CABCOCO1: variants seen among roughly 807,000 people sequenced by gnomAD.
CABCOCO1 encodes ciliary associated calcium binding coiled-coil 1, also known as ciliary-associated calcium-binding coiled-coil protein 1.
In CABCOCO1, 28 loss-of-function variants were observed where a neutral mutation model predicts 35.7. The observed-to-expected ratio is 0.78, with a 90% confidence interval of 0.58 to 1.07. The LOEUF is 1.07. Among genes scored for constraint, CABCOCO1 ranks in the 50% least tolerant of loss-of-function variants. The probability of loss-of-function intolerance (pLI) is 0.00; values close to 1 mark genes in which losing one functional copy is unlikely to be tolerated. For missense variants in CABCOCO1, 326 were observed against 309.2 expected (o/e 1.05, Z -0.41); for synonymous variants, 95 against 100.1 (o/e 0.95, Z 0.30).
intron 7 of CABCOCO1, among the ~76,000 whole-genome samples, chr10:61,763,078 C>CATA (rs1842039201): frequency 1.3e-5 from 2 of 152,014 alleles, no homozygotes; most frequent in Admixed American, 1.3e-4. Flanking sequence ...ACACACCGAC[C>CATA]TGCTGTAGGA....
intron 4 of CABCOCO1, among the ~76,000 whole-genome samples, chr10:61,689,837 C>T (rs944054096): frequency 2.6e-5 from 4 of 152,102 alleles, no homozygotes; most frequent in Non-Finnish European, 4.4e-5. Flanking sequence ...AAATTTTTAA[C>T]TCTTAATAAT....
chr10:61,703,649 G>A (rs936682908), intron 5 of CABCOCO1, among the ~76,000 whole-genome samples: 1 of 151,758 alleles, frequency 6.6e-6, no homozygotes, highest in Non-Finnish European at 1.5e-5. Context: ...GTGCTTTTTG[G>A]TATCAGTTTA....
intron 5 of CABCOCO1, among the ~76,000 whole-genome samples, chr10:61,734,588 AAC>A (rs1841374651): frequency 6.6e-6 from 1 of 152,122 alleles, no homozygotes; most frequent in Non-Finnish European, 1.5e-5. Flanking sequence ...GTCAACAAGA[AAC>A]ACAATGGATT....
intron 1 of CABCOCO1, among the ~76,000 whole-genome samples, chr10:61,665,612 G>A (rs1322435492): frequency 6.6e-6 from 1 of 152,088 alleles, no homozygotes; most frequent in Non-Finnish European, 1.5e-5. Flanking sequence ...GGAAGGCCGG[G>A]CGCGGTGGCT....
chr10:61,699,425 T>G (rs12246717), intron 5 of CABCOCO1, among the ~76,000 whole-genome samples: 35,184 of 152,044 alleles, frequency 0.23, 4,261 homozygotes, highest in African/African-American at 0.3. Context: ...CTCTTGAGAC[T>G]GTCACCCAAG....
chr10:61,677,773 C>T (rs1414448151), intron 2 of CABCOCO1, among the ~76,000 whole-genome samples: 1 of 150,356 alleles, frequency 6.7e-6, no homozygotes, highest in Admixed American at 6.6e-5. Context: ...TCAATTCCCA[C>T]CTGTGAGTGA....
At chr10:61,693,911 T>A (rs561637877) in intron 5 of CABCOCO1, among the ~76,000 whole-genome samples, 1 of 152,094 alleles carries the variant, frequency 6.6e-6, no homozygotes, top group South Asian at 2.1e-4. Context: ...AAAAAATGAC[T>A]GAATCAAATT....
chr10:61,741,565 T>C (rs901241819), intron 5 of CABCOCO1, among the ~76,000 whole-genome samples: 2 of 123,920 alleles, frequency 1.6e-5, no homozygotes, highest in East Asian at 3.9e-4. Flanking sequence ...AAAATCTATA[T>C]GATGTTACCA....
intron 5 of CABCOCO1, among the ~76,000 whole-genome samples, chr10:61,740,869 G>A (rs866533038): frequency 5.9e-5 from 9 of 152,246 alleles, no homozygotes; most frequent in East Asian, 5.8e-4. Context: ...TAAGAGGGCC[G>A]GGTGCAGTGG....
chr10:61,764,946 T>C (rs115073990), intron 7 of CABCOCO1, among the ~76,000 whole-genome samples: 1,652 of 152,234 alleles, frequency 0.011, 23 homozygotes, highest in African/African-American at 0.037. Context: ...TAAATAAATA[T>C]GAAAAATTAT....
At chr10:61,753,748 T>C (rs992170307) in intron 5 of CABCOCO1, among the ~76,000 whole-genome samples, 5 of 152,176 alleles carry the variant, frequency 3.3e-5, no homozygotes, top group Non-Finnish European at 5.9e-5. Context: ...ATCCTGATCA[T>C]GCTACATATC....
intron 5 of CABCOCO1, among the ~76,000 whole-genome samples, chr10:61,704,522 G>T (rs1367336482): frequency 2.0e-5 from 3 of 152,176 alleles, no homozygotes; most frequent in Non-Finnish European, 4.4e-5. Flanking sequence ...AGTGAGCTTG[G>T]AAGTAGATCC....
chr10:61,756,041 C>T lies in CABCOCO1; in HGVS notation c.553-4018C>T, dbSNP rs150440068. 8.8e-3 allele frequency among the ~76,000 whole-genome samples: 1,336 copies of T among 151,982 alleles called. 6 individuals carry two copies. The highest frequency in any genetic ancestry group is 0.014 in the Non-Finnish European group (979 of 67,878). On this transcript the variant is annotated intron_variant, in intron 5 of 7. Coordinates refer to ENST00000648843, the MANE Select transcript of CABCOCO1 (RefSeq NM_001366906.2). ...ATGCAAATTTTTAAAAGATTTCTTA[C>T]GATTTTATTTGCCATGTAAATAACG...
At chr10:61,730,282 G>A (rs1328205751) in intron 5 of CABCOCO1, among the ~76,000 whole-genome samples, 1 of 151,978 alleles carries the variant, frequency 6.6e-6, no homozygotes, top group Admixed American at 6.6e-5. Context: ...GAAGAATGAT[G>A]GGATCTTGCC....
intron 4 of CABCOCO1, among the ~76,000 whole-genome samples, chr10:61,687,804 A>T (rs1840012270): frequency 6.6e-6 from 1 of 152,220 alleles, no homozygotes. Flanking sequence ...AATTAGTCAA[A>T]GTAAATCACA....
intron 4 of CABCOCO1, among the ~76,000 whole-genome samples, chr10:61,687,497 C>T (rs950931155): frequency 2.6e-5 from 4 of 152,114 alleles, no homozygotes; most frequent in African/African-American, 9.7e-5. Context: ...AGCTCTAAGC[C>T]CAGGAGGTTT....
intron 5 of CABCOCO1, 124 bp downstream of exon 5, chr10:61,690,745 A>G (rs1840113167): frequency 3.5e-6 from 2 of 569,228 alleles, no homozygotes; most frequent in Admixed American, 6.7e-5. Flanking sequence ...AATATAATCA[A>G]CTCGTAGTTT....
chr10:61,740,580 T>C (rs750452214), intron 5 of CABCOCO1, among the ~76,000 whole-genome samples: 3 of 152,202 alleles, frequency 2.0e-5, no homozygotes, highest in Non-Finnish European at 4.4e-5. Flanking sequence ...TCAGTAAATT[T>C]TGAATATACC....
At chr10:61,728,885 G>C (rs1025014972) in intron 5 of CABCOCO1, among the ~76,000 whole-genome samples, 1 of 152,082 alleles carries the variant, frequency 6.6e-6, no homozygotes, top group African/African-American at 2.4e-5. Flanking sequence ...CATGGCTGGG[G>C]CACTGGAGAG....
Sources: allele counts gnomAD v4.1 joint callset (sites outside exome capture counted in the v4.1 genomes callset), GRCh38; gene constraint gnomAD v4.1.1; transcripts MANE v1.5; gene names NCBI Gene and HGNC (gene_info 2026-07-23, HGNC 2026-07-21).